MPDZ: variants seen among roughly 807,000 people sequenced by gnomAD.
MPDZ encodes the protein multiple PDZ domain protein.
In MPDZ, 234 loss-of-function variants were observed where a neutral mutation model predicts 239.1. That is an observed-to-expected ratio of 0.98 (90% CI 0.88 to 1.09). The LOEUF (loss-of-function observed/expected upper bound fraction) is 1.09. Among genes scored for constraint, MPDZ ranks in the 50% least tolerant of loss-of-function variants. The pLI is 0.00. For missense variants in MPDZ, 3,175 were observed against 2,510.0 expected (o/e 1.26, Z -5.66); for synonymous variants, 1,048 against 881.3 (o/e 1.19, Z -3.35).
chr9:13,263,085 C>T (rs1274164693), intron 1 of MPDZ, among the ~76,000 whole-genome samples: 1 of 151,864 alleles, frequency 6.6e-6, no homozygotes, highest in Non-Finnish European at 1.5e-5. Flanking sequence ...TAAAAAGCAG[C>T]TGGGTTGAAA....
At chr9:13,161,060 A>G (rs1157968880) in intron 23 of MPDZ, among the ~76,000 whole-genome samples, 1 of 151,322 alleles carries the variant, frequency 6.6e-6, no homozygotes, top group Admixed American at 6.6e-5. Context: ...ATAATGAGGG[A>G]CAATTATACT....
intron 1 of MPDZ, among the ~76,000 whole-genome samples, chr9:13,263,155 A>T (rs1454690056): frequency 6.6e-6 from 1 of 152,188 alleles, no homozygotes; most frequent in Admixed American, 6.6e-5. Context: ...CAGGAAAGGG[A>T]CAAGGGAAAT....
intron 3 of MPDZ, among the ~76,000 whole-genome samples, chr9:13,246,337 G>C (rs1384616860): frequency 6.6e-6 from 1 of 152,192 alleles, no homozygotes; most frequent in Non-Finnish European, 1.5e-5. Context: ...AGCTAGTCAG[G>C]AGGCTGAGGC....
intron 22 of MPDZ, among the ~76,000 whole-genome samples, chr9:13,165,726 A>T (rs1478793602): frequency 6.6e-6 from 1 of 152,186 alleles, no homozygotes; most frequent in Non-Finnish European, 1.5e-5. Flanking sequence ...ATTATCTGGC[A>T]GATGTTATAA....
chr9:13,150,380 A>C (rs1948999189), intron 25 of MPDZ, 131 bp downstream of exon 25: 1 of 530,552 alleles, frequency 1.9e-6, no homozygotes. Flanking sequence ...CCCTCGGTAC[A>C]AAGGGTGGAG....
intron 21 of MPDZ, among the ~76,000 whole-genome samples, chr9:13,173,750 A>G (rs1333138775): frequency 6.6e-6 from 1 of 152,068 alleles, no homozygotes; most frequent in Non-Finnish European, 1.5e-5. Context: ...GCCAGATTGC[A>G]AAATCTGATG....
At chr9:13,257,863 A>T (rs1969800703) in intron 1 of MPDZ, among the ~76,000 whole-genome samples, 2 of 152,208 alleles carry the variant, frequency 1.3e-5, no homozygotes, top group African/African-American at 4.8e-5. Flanking sequence ...CTAAAATCCA[A>T]TTTTATCTGA....
At chr9:13,171,281 T>A (rs1427284155) in intron 21 of MPDZ, among the ~76,000 whole-genome samples, 3 of 152,182 alleles carry the variant, frequency 2.0e-5, no homozygotes, top group Non-Finnish European at 2.9e-5. Context: ...CAAGGTTACA[T>A]TGCTCCCTAA....
rs761108584 is a variant in MPDZ, at chr9:13,138,013, G to C, written c.4144C>G (p.Pro1382Ala). 2 of 1,613,742 alleles carry C rather than the reference G, an allele frequency of 1.2e-6. No individual in the cohort carries two copies. The highest frequency in any genetic ancestry group is 2.2e-5 in the East Asian group (1 of 44,826). Residue 1382 changes from proline to alanine, a missense_variant, in exon 29 of 47, where the codon CCA (proline) becomes GCA (alanine). Physicochemically the swap from Pro to Ala is conservative, Grantham distance 27. Coordinates refer to ENST00000319217, the MANE Select transcript of MPDZ (RefSeq NM_001378778.1). ...CCATCTTTTCCTGCAGCTCCATTTG[G>C]ATCAATCCCCACTATGAAGACACTC... ...RMSVFIVGID[P>A]NGAAGKDGRL...
chr9:13,186,878 A>C (rs2134712884), intron 17 of MPDZ, among the ~76,000 whole-genome samples: 1 of 152,286 alleles, frequency 6.6e-6, no homozygotes, highest in South Asian at 2.1e-4. Flanking sequence ...AATCCAATTT[A>C]CTTGAAAAGG....
intron 10 of MPDZ, among the ~76,000 whole-genome samples, chr9:13,211,799 T>C (rs1445658489): frequency 6.6e-6 from 1 of 152,090 alleles, no homozygotes. Flanking sequence ...AAATATAATA[T>C]GATGCTATTT....
chr9:13,218,772 G>A (rs1958685763), intron 8 of MPDZ, among the ~76,000 whole-genome samples: 1 of 151,798 alleles, frequency 6.6e-6, no homozygotes, highest in Non-Finnish European at 1.5e-5. Context: ...TCTAGAAACT[G>A]GGTGTAATTC....
intron 1 of MPDZ, among the ~76,000 whole-genome samples, chr9:13,260,084 C>T (rs1970330235): frequency 6.6e-6 from 1 of 151,890 alleles, no homozygotes. Flanking sequence ...TCAAGTGATC[C>T]ACCCACCTAG....
intron 22 of MPDZ, among the ~76,000 whole-genome samples, chr9:13,164,564 T>G (rs1950833687): frequency 6.6e-6 from 1 of 152,140 alleles, no homozygotes; most frequent in South Asian, 2.1e-4. Flanking sequence ...TAGCAATCAG[T>G]ACGAAGTCTT....
intron 3 of MPDZ, among the ~76,000 whole-genome samples, chr9:13,228,956 G>A (rs1375890319): frequency 6.6e-6 from 1 of 152,106 alleles, no homozygotes; most frequent in Middle Eastern, 3.2e-3. Flanking sequence ...GAGCATCTCT[G>A]AATAGACAAC....
In MPDZ at chr9:13,107,072, G is replaced by A. The variant is rs780845139; in HGVS notation, c.6106C>T (p.Gln2036Ter). 6.3e-7 allele frequency: 1 copy of A among 1,594,448 alleles called. No homozygotes were observed. The highest frequency in any genetic ancestry group is 1.1e-5 in the South Asian group (1 of 89,184). ...SEDGRLKRGDQIIAVNGQSLE... is the reference protein window; with the variant it reads ...SEDGRLKRGD ...CTCTGCCCATTGACAGCAATGATCTGATCGCCCCTTTTCAGACGTCCGTCT... is the reference window on the plus strand; with the variant it reads ...CTCTGCCCATTGACAGCAATGATCTAATCGCCCCTTTTCAGACGTCCGTCT... Residue 2036 changes from glutamine (Q) to a stop codon, truncating the protein, a stop_gained, in exon 47 of 47, where the codon CAG (glutamine) becomes TAG (stop). Transcript: ENST00000319217. LOFTEE classifies it high-confidence loss of function.
intron 39 of MPDZ, among the ~76,000 whole-genome samples, chr9:13,115,716 C>A (rs981856525): frequency 1.3e-5 from 2 of 152,066 alleles, no homozygotes; most frequent in East Asian, 3.9e-4. Flanking sequence ...GAGGCCGAGG[C>A]GGGTGGATCA....
intron 17 of MPDZ, among the ~76,000 whole-genome samples, chr9:13,187,326 G>A (rs1954251885): frequency 6.6e-6 from 1 of 151,914 alleles, no homozygotes; most frequent in Admixed American, 6.6e-5. Context: ...CTGAATAACT[G>A]GTATGGTTTC....
intron 1 of MPDZ, among the ~76,000 whole-genome samples, chr9:13,262,791 T>G (rs1008592512): frequency 2.1e-4 from 32 of 152,138 alleles, no homozygotes; most frequent in Non-Finnish European, 4.1e-4. Flanking sequence ...AAGAACAGAC[T>G]CAGAGTCCAA....
Sources: gnomAD v4.1 joint callset for allele counts (sites outside exome capture counted in the v4.1 genomes callset) on GRCh38, gnomAD v4.1.1 for gene constraint, MANE v1.5 for transcripts, NCBI Gene and HGNC (gene_info 2026-07-23, HGNC 2026-07-21) for gene names.